The following PWWP2A variants were observed in gnomAD, a reference collection of about 807,000 sequenced individuals.
The protein encoded by PWWP2A is PWWP domain containing 2A.
PWWP2A carries 18 observed loss-of-function variants against 48.5 expected under a neutral mutation model. The observed-to-expected ratio is 0.37, with a 90% confidence interval of 0.26 to 0.55. The LOEUF (loss-of-function observed/expected upper bound fraction) is 0.55, where lower values mean the gene tolerates loss of function less well. Among genes scored for constraint, PWWP2A ranks in the 20% least tolerant of loss-of-function variants. The pLI is 0.81. For missense variants in PWWP2A, 867 were observed against 976.4 expected (o/e 0.89, Z 1.49); for synonymous variants, 396 against 387.7 (o/e 1.02, Z -0.25).
intron 1 of PWWP2A, among the ~76,000 whole-genome samples, chr5:160,104,587 G>A (rs1414582912): frequency 6.6e-6 from 1 of 152,124 alleles, no homozygotes; most frequent in African/African-American, 2.4e-5. Context: ...TGGATCACCT[G>A]AGGTCAGGAG....
chr5:160,055,546 T>G, the PWWP2A span, among the ~76,000 whole-genome samples: 2 of 152,262 alleles, frequency 1.3e-5, no homozygotes, highest in Admixed American at 6.5e-5. Flanking sequence ...CATCAGCACC[T>G]GAGAACCTGC....
the PWWP2A span, chr5:160,051,220 C>T: frequency 6.4e-7 from 1 of 1,551,828 alleles, no homozygotes; most frequent in Admixed American, 1.8e-5. Context: ...TCATAAACAG[C>T]TAGGAACCTA....
At chr5:160,086,259 T>C (rs1363815684) in intron 2 of PWWP2A, among the ~76,000 whole-genome samples, 1 of 152,308 alleles carries the variant, frequency 6.6e-6, no homozygotes, top group East Asian at 1.9e-4. Context: ...GGCTCATACC[T>C]GTAACCCCAC....
chr5:160,052,044 A>G, the PWWP2A span, among the ~76,000 whole-genome samples: 2 of 152,230 alleles, frequency 1.3e-5, no homozygotes, highest in East Asian at 1.9e-4. Context: ...CTGATAGCCA[A>G]GTTGATTGAG....
At chr5:160,074,754 CAAA>C (rs779908628), downstream of PWWP2A, among the ~76,000 whole-genome samples, 1 of 136,560 alleles carries the variant, frequency 7.3e-6, no homozygotes, top group Non-Finnish European at 1.6e-5. Flanking sequence ...CTCAAAAAAA[CAAA>C]AAAAAAAACA....
rs1446683732 is a variant in PWWP2A at position 160,119,336 on chromosome 5, C to G, written c.53G>C (p.Gly18Ala). The G allele has an allele frequency of 7.2e-7, 1 of 1,390,212 alleles. No homozygotes were observed. The highest frequency in any genetic ancestry group is 1.6e-5 in the South Asian group (1 of 62,904). The allele number at this position is 1,390,212 out of a possible 1,614,324, so 86.1% of individuals were successfully genotyped here. Reference protein sequence around the residue: ...AAATAASPGEGGAGEAEPEME... With the variant: ...AAATAASPGEAGAGEAEPEME... ...CTCCGGCTCGGCCTCGCCGGCGCCC[C>G]CCTCCCCGGGGGACGCTGCAGTCGC... Residue 18 changes from glycine to alanine, a missense_variant, in exon 1 of 2, where the codon GGG (glycine) becomes GCG (alanine). Physicochemically the swap from Gly to Ala is moderately conservative, Grantham distance 60. Transcript: ENST00000307063.
rs1755188185 is a variant in PWWP2A at position 160,092,542 on chromosome 5, A to G, written c.2108T>C (p.Phe703Ser). 2.6e-6 allele frequency: 4 copies of G among 1,551,674 alleles called. No individual in the cohort carries two copies. Among genetic ancestry groups the G allele is most frequent in the Non-Finnish European group, 2.6e-6 (3 of 1,146,984 alleles). The change falls in exon 2 of 2, where the codon TTC becomes TCC. Residue 703 changes from phenylalanine to serine, a missense_variant. Phe to Ser is a radical substitution (Grantham distance 155). Coordinates refer to ENST00000307063, the MANE Select transcript of PWWP2A (RefSeq NM_001130864.2). ...GGGGGAGAGTTGTGAAAGAGCAAGG[A>G]AAGATGTTGTTGGAGACCCAAACCA... ...ISWFGSPTTS[F>S]LALSQLSPFL... is the part of the protein sequence containing the mutation.
downstream of PWWP2A, among the ~76,000 whole-genome samples, chr5:160,075,727 C>A (rs1363562613): frequency 1.4e-5 from 2 of 147,680 alleles, no homozygotes; most frequent in Non-Finnish European, 3.0e-5. Context: ...GATTAGAAAC[C>A]TACAGGCTGT....
rs1463144117 is a variant in PWWP2A, at chr5:160,119,199, C to G, written c.190G>C (p.Asp64His). The G allele has an allele frequency of 2.1e-6, 3 of 1,459,436 alleles. No individual in the cohort carries two copies. Among genetic ancestry groups the G allele is most frequent in the Non-Finnish European group, 2.7e-6 (3 of 1,119,906 alleles). 90.4% of individuals were successfully genotyped at this position (1,459,436 alleles called of 1,614,324 possible). Residue 64 changes from aspartate to histidine, a missense_variant, in exon 1 of 2, where the codon GAC (aspartate) becomes CAC (histidine). By Grantham distance (81) the Asp-to-His change is moderately conservative (BLOSUM62 -1). Transcript: ENST00000307063. ...GGTGGCGGCGGGAGCGGCGGCTCGT[C>G]GGCCTGAGGAGCGGATTGCTGCCCG... ...TDGQQSAPQA[D>H]EPPLPPPPPP...
chr5:160,114,771 A>T (rs1172520144), intron 1 of PWWP2A, among the ~76,000 whole-genome samples: 1 of 19,144 alleles, frequency 5.2e-5, no homozygotes, highest in Non-Finnish European at 1.1e-4. Context: ...TCAAGGGTAA[A>T]AAAAAAAAAA....
chr5:160,045,511 CACATACACA>C, the PWWP2A span, among the ~76,000 whole-genome samples: 4 of 62,676 alleles, frequency 6.4e-5, no homozygotes, highest in Admixed American at 2.2e-4. Context: ...CACACACACA[CACATACACA>C]CTCTCTCTCT....
chr5:160,114,737 T>C (rs1406649332), intron 1 of PWWP2A, among the ~76,000 whole-genome samples: 1 of 136,500 alleles, frequency 7.3e-6, no homozygotes, highest in Non-Finnish European at 1.5e-5. Flanking sequence ...CACTCCAGCC[T>C]AGGCAACAGA....
chr5:160,092,009 C>A lies in PWWP2A; in HGVS notation c.*373G>T. 3.7e-6 allele frequency: 1 copy of A among 268,832 alleles called. No individual in the cohort carries two copies. Among genetic ancestry groups the A allele is most frequent in the Non-Finnish European group, 4.4e-6 (1 of 228,632 alleles). The allele number at this position is 268,832 out of a possible 1,614,324, so 16.7% of individuals were successfully genotyped here. A position where few individuals can be genotyped will look rare whatever the true frequency, so the allele number is the denominator to read the frequency against. ...ATATATATGTGTGTATATATACATACACGGATATATATATATACACACACA... is the reference window on the plus strand; with the variant it reads ...ATATATATGTGTGTATATATACATAAACGGATATATATATATACACACACA... On this transcript the variant is annotated 3_prime_UTR_variant, in exon 2 of 2. Coordinates refer to ENST00000307063, the MANE Select transcript of PWWP2A (RefSeq NM_001130864.2).
the PWWP2A span, among the ~76,000 whole-genome samples, chr5:160,044,976 T>C: frequency 5.9e-5 from 9 of 152,198 alleles, no homozygotes; most frequent in Non-Finnish European, 1.0e-4. Context: ...TATTATAATA[T>C]AGAAGACCAC....
At chr5:160,057,701 T>C (rs1757578912), downstream of PWWP2A, among the ~76,000 whole-genome samples, 1 of 152,238 alleles carries the variant, frequency 6.6e-6, no homozygotes, top group Non-Finnish European at 1.5e-5. This position sits in a 1 kb window ranked among gnomAD's most constrained non-coding sequence, Gnocchi z 4.4. Flanking sequence ...TCTTCCAGTA[T>C]TGGACTCAGT....
chr5:160,057,415 A>G (rs571967072), downstream of PWWP2A, among the ~76,000 whole-genome samples: 9 of 151,974 alleles, frequency 5.9e-5, no homozygotes, highest in East Asian at 1.5e-3. This position sits in a 1 kb window ranked among gnomAD's most constrained non-coding sequence, Gnocchi z 4.4. Context: ...TAAAAAAAAA[A>G]AATGTACATA....
At chr5:160,108,524 G>T in intron 1 of PWWP2A, 1 of 1,227,340 alleles carries the variant, frequency 8.1e-7, no homozygotes, top group South Asian at 1.3e-5. Flanking sequence ...TGTAGTATAA[G>T]CTACTGATAC....
intron 5 of PWWP2A, among the ~76,000 whole-genome samples, chr5:160,062,581 T>C (rs1037632220): frequency 6.6e-6 from 1 of 152,172 alleles, no homozygotes; most frequent in Non-Finnish European, 1.5e-5. Context: ...AGTTTGTACT[T>C]TAAATTGTTT....
At chr5:160,051,206 T>C in the PWWP2A span, 1 of 1,598,182 alleles carries the variant, frequency 6.3e-7, no homozygotes. Flanking sequence ...CTTACTTTGC[T>C]TGATCATAAA....
Sources: gnomAD v4.1 joint callset for allele counts (sites outside exome capture counted in the v4.1 genomes callset) on GRCh38, gnomAD v4.1.1 for gene constraint, Gnocchi (gnomAD v3.1) non-coding constraint, MANE v1.5 for transcripts, NCBI Gene and HGNC (gene_info 2026-07-23, HGNC 2026-07-21) for gene names.